Variants in ZBBX observed in about 807,000 individuals in gnomAD.
The protein encoded by ZBBX is zinc finger B-box domain-containing protein 1.
A neutral mutation model predicts 108.5 loss-of-function variants in ZBBX; 101 were observed. The ratio of observed to expected loss-of-function variants is 0.93; its 90% CI spans 0.79 to 1.10. The LOEUF is 1.10. Among genes scored for constraint, ZBBX ranks in the 50% least tolerant of loss-of-function variants. ZBBX has a pLI of 0.00. For missense variants in ZBBX, 1,009 were observed against 941.4 expected (o/e 1.07, Z -0.94); for synonymous variants, 356 against 323.4 (o/e 1.10, Z -1.08).
intron 4 of ZBBX, among the ~76,000 whole-genome samples, chr3:167,369,724 T>C (rs1488724951): frequency 2.0e-5 from 3 of 152,274 alleles, no homozygotes; most frequent in South Asian, 2.1e-4. Flanking sequence ...GGGGGCTACC[T>C]GGGCACAAAG....
chr3:167,328,259 A>C, intron 10 of ZBBX, 143 bp from the exon 11 acceptor site: 1 of 847,732 alleles, frequency 1.2e-6, no homozygotes, highest in Non-Finnish European at 1.8e-6. Flanking sequence ...TAAACTTAGA[A>C]TATTTTTAAG....
At chr3:167,222,724 T>C in the ZBBX span, among the ~76,000 whole-genome samples, 249 of 151,944 alleles carry the variant, frequency 1.6e-3, 1 homozygote, top group African/African-American at 4.8e-3. Flanking sequence ...TTTAAAATTT[T>C]AAAAATAATA....
intron 10 of ZBBX, chr3:167,331,561 A>C: frequency 1.0e-6 from 1 of 985,384 alleles, no homozygotes; most frequent in Admixed American, 6.1e-5. Context: ...TGCCATTGGA[A>C]TACCTGGCTT....
chr3:167,382,459 C>T (rs1747785832), upstream of ZBBX, among the ~76,000 whole-genome samples: 1 of 152,124 alleles, frequency 6.6e-6, no homozygotes, highest in Non-Finnish European at 1.5e-5. Context: ...GAGGGTTTTT[C>T]CAAACTCATG....
chr3:167,312,819 C>T (rs1288291529), intron 16 of ZBBX, among the ~76,000 whole-genome samples: 2 of 152,130 alleles, frequency 1.3e-5, no homozygotes, highest in Non-Finnish European at 2.9e-5. Flanking sequence ...AATGTCAAGA[C>T]CAGCAGGATT....
At chr3:167,313,466 A>C (rs1734935645) in intron 16 of ZBBX, among the ~76,000 whole-genome samples, 1 of 151,804 alleles carries the variant, frequency 6.6e-6, no homozygotes, top group Non-Finnish European at 1.5e-5. Context: ...TATTTTTAGT[A>C]GAGATAGGGT....
chr3:167,224,480 A>T, the ZBBX span, among the ~76,000 whole-genome samples: 1 of 151,972 alleles, frequency 6.6e-6, no homozygotes. Flanking sequence ...TCAAAACAGT[A>T]TGATAACTAT....
chr3:167,200,423 T>C, the ZBBX span, among the ~76,000 whole-genome samples: 2 of 152,194 alleles, frequency 1.3e-5, no homozygotes, highest in African/African-American at 4.8e-5. Flanking sequence ...TTCAGCATCA[T>C]CTCATGTATA....
At chr3:167,225,323 A>T in the ZBBX span, among the ~76,000 whole-genome samples, 5 of 151,894 alleles carry the variant, frequency 3.3e-5, no homozygotes, top group African/African-American at 1.2e-4. Context: ...ACTTTGCAAA[A>T]CACTTAAGAA....
At chr3:167,342,076 T>C (rs1275164208) in intron 9 of ZBBX, among the ~76,000 whole-genome samples, 1 of 151,862 alleles carries the variant, frequency 6.6e-6, no homozygotes, top group Non-Finnish European at 1.5e-5. Context: ...TCTTTAGGTA[T>C]AGAAGAATAA....
chr3:167,240,885 G>T lies in ZBBX; in HGVS notation c.2428C>A (p.Leu810Met), dbSNP rs750459806. The stretch of plus-strand genomic sequence containing the variant: ...TCTGTACTGCTCTCAGAAAGTGACA[G>T]CAAAGACTGAATTTTGGTATCTCTT... ...SGRDTKIQSL[L>M]SLSESSTDEE... Residue 810 changes from leucine (L) to methionine (M), a missense_variant, in exon 22 of 22, where the codon CTG becomes ATG. Coordinates refer to ENST00000675490, the MANE Select transcript of ZBBX (RefSeq NM_001199201.2). 6.2e-7 allele frequency: 1 copy of T among 1,613,264 alleles called. No individual in the cohort carries two copies. The highest frequency in any genetic ancestry group is 8.5e-7 in the Non-Finnish European group (1 of 1,179,500).
At chr3:167,192,844 C>T in the ZBBX span, among the ~76,000 whole-genome samples, 295 of 152,286 alleles carry the variant, frequency 1.9e-3, 2 homozygotes, top group Non-Finnish European at 3.6e-3. Flanking sequence ...CTCTTCATTA[C>T]ATTTCTTTGG....
chr3:167,330,286 T>C (rs998383941), intron 10 of ZBBX, among the ~76,000 whole-genome samples: 1 of 152,062 alleles, frequency 6.6e-6, no homozygotes, highest in Non-Finnish European at 1.5e-5. Context: ...ACCAGAAGGG[T>C]TGCCTGACTC....
At chr3:167,241,031 G>C (rs1720577948) in intron 21 of ZBBX, 112 bp from the exon 22 acceptor site, 2 of 1,269,806 alleles carry the variant, frequency 1.6e-6, no homozygotes, top group African/African-American at 1.5e-5. Flanking sequence ...AAGCAGATGT[G>C]AGGGAGCTGT....
Position 167,335,078 on chromosome 3 carries a change from G to A in ZBBX, c.529-1093C>T, listed in dbSNP as rs115141409. Among the ~76,000 whole-genome samples the A allele has an allele frequency of 6.9e-3, 1,044 of 152,024 alleles. 13 individuals carry two copies. The highest frequency in any genetic ancestry group is 0.023 in the African/African-American group (957 of 41,466). ...ACACTGCACTACCCCAACTGTACAC[G>A]GTATTTACCCTCTTTACCCTCTTAA... On this transcript the variant is annotated intron_variant, in intron 9 of 21. Transcript: ENST00000675490.
intron 18 of ZBBX, among the ~76,000 whole-genome samples, chr3:167,296,203 CTT>C (rs1576921532): frequency 6.6e-6 from 1 of 152,000 alleles, no homozygotes; most frequent in Non-Finnish European, 1.5e-5. Context: ...ATCCAACACA[CTT>C]TTATGATAAG....
intron 9 of ZBBX, among the ~76,000 whole-genome samples, chr3:167,338,054 C>T (rs1051278563): frequency 1.3e-5 from 2 of 152,062 alleles, no homozygotes; most frequent in Non-Finnish European, 1.5e-5. Context: ...TAAAATCAAA[C>T]CAAAACAGCC....
chr3:167,323,177 C>A (rs1400130326), intron 11 of ZBBX, among the ~76,000 whole-genome samples: 1 of 148,654 alleles, frequency 6.7e-6, no homozygotes, highest in Non-Finnish European at 1.5e-5. Flanking sequence ...AGAAGAAATG[C>A]CTCCACTATG....
intron 20 of ZBBX, among the ~76,000 whole-genome samples, chr3:167,279,422 C>G (rs887885427): frequency 1.3e-5 from 2 of 151,974 alleles, no homozygotes; most frequent in Non-Finnish European, 2.9e-5. Flanking sequence ...AATCAATGTA[C>G]AAAAATCACA....
Sources: gnomAD v4.1 joint callset for allele counts (sites outside exome capture counted in the v4.1 genomes callset) on GRCh38, gnomAD v4.1.1 for gene constraint, MANE v1.5 for transcripts, NCBI Gene and HGNC (gene_info 2026-07-23, HGNC 2026-07-21) for gene names.